SLC43A1: variants seen among roughly 807,000 people sequenced by gnomAD.
SLC43A1 encodes large neutral amino acids transporter small subunit 3.
In SLC43A1, 31 loss-of-function variants were observed where a neutral mutation model predicts 59.5. The ratio of observed to expected loss-of-function variants is 0.52; its 90% confidence interval spans 0.39 to 0.70. The LOEUF is 0.70. Among genes scored for constraint, SLC43A1 ranks in the 30% least tolerant of loss-of-function variants. The pLI is 0.00. For missense variants in SLC43A1, 598 were observed against 717.8 expected, an observed-to-expected ratio of 0.83 and a Z score of 1.91; for synonymous variants, 259 against 290.9, an observed-to-expected ratio of 0.89 and a Z score of 1.12.
chr11:57,501,412 T>G, intron 2 of SLC43A1, 83 bp from the exon 3 acceptor site: 2 of 1,450,330 alleles, frequency 1.4e-6, no homozygotes, highest in Non-Finnish European at 1.9e-6. Flanking sequence ...TCAGGCGGCC[T>G]GCTTTCAAAT....
intron 6 of SLC43A1, 30 bp from the exon 7 acceptor site, chr11:57,496,194 G>A: frequency 3.1e-6 from 5 of 1,612,002 alleles, no homozygotes; most frequent in South Asian, 2.2e-5. Context: ...GCCCGTGGGG[G>A]AGACTGCCTG....
At position 57,491,586 on chromosome 11, in the gene SLC43A1, C is replaced by G; in HGVS notation, c.1054+5G>C. The G allele has an allele frequency of 1.2e-6, 2 of 1,614,126 alleles. No homozygotes were observed. Among genetic ancestry groups the G allele is most frequent in the Non-Finnish European group, 1.7e-6 (2 of 1,180,014 alleles). On this transcript the variant is annotated splice_donor_5th_base_variant and intron_variant, in intron 10 of 14. Transcript: ENST00000278426. ...TGAGCCAGGGCCCTGCTTTCATAGC[C>G]CTACCTGTCTCTGCCACCTTTTGTT...
rs1943674090 is a variant in SLC43A1, at chr11:57,484,556, C to T, written c.*540G>A. On this transcript the variant is annotated 3_prime_UTR_variant, in exon 15 of 15. Transcript: ENST00000278426. Reference sequence around the variant, plus strand: ...CAGTCTCTCACTTCCCTTTTTATTTCCTCTAAGACTTGCAAGCAGCAGCAC... The same window carrying T: ...CAGTCTCTCACTTCCCTTTTTATTTTCTCTAAGACTTGCAAGCAGCAGCAC... 1.3e-5 allele frequency: 2 copies of T among 152,410 alleles called. No individual in the cohort carries two copies. Among genetic ancestry groups the T allele is most frequent in the South Asian group, 2.1e-4 (1 of 4,826 alleles). 9.4% of individuals were successfully genotyped at this position (152,410 alleles called of 1,614,324 possible). A position where few individuals can be genotyped will look rare whatever the true frequency, so the allele number is the denominator to read the frequency against.
At position 57,487,225 on chromosome 11, in the gene SLC43A1, A is replaced by C; in HGVS notation, c.1410-7T>G. 6.2e-7 allele frequency: 1 copy of C among 1,611,562 alleles called. No homozygotes were observed. Among genetic ancestry groups the C allele is most frequent in the South Asian group, 1.1e-5 (1 of 91,016 alleles). ...AAAGTGGTTGGATGGGAACCTGTCCACGAGACGGGGAGTATCAGGGGTGTG... is the reference window on the plus strand; with the variant it reads ...AAAGTGGTTGGATGGGAACCTGTCCCCGAGACGGGGAGTATCAGGGGTGTG... On this transcript the variant is annotated splice_polypyrimidine_tract_variant and splice_region_variant and intron_variant, in intron 13 of 14. Coordinates refer to ENST00000278426, the MANE Select transcript of SLC43A1 (RefSeq NM_003627.6).
intron 7 of SLC43A1, among the ~76,000 whole-genome samples, chr11:57,495,211 G>C (rs1401180780): frequency 6.6e-6 from 1 of 152,062 alleles, no homozygotes; most frequent in African/African-American, 2.4e-5. Flanking sequence ...ACCATGAGCT[G>C]AGCATGGTGG....
chr11:57,504,874 C>T (rs766194190), intron 2 of SLC43A1, among the ~76,000 whole-genome samples: 4 of 152,168 alleles, frequency 2.6e-5, no homozygotes, highest in Non-Finnish European at 5.9e-5. Flanking sequence ...GTTTGACCAA[C>T]GAGTTCATTC....
chr11:57,489,208 G>A, intron 12 of SLC43A1, 43 bp downstream of exon 12: 1 of 1,609,402 alleles, frequency 6.2e-7, no homozygotes. Flanking sequence ...CCCTTTGGAG[G>A]AGCCTCGGGA....
At position 57,506,701 on chromosome 11, in the gene SLC43A1, C is replaced by G. The variant is rs923373036; in HGVS notation, c.155-5372G>C. 1.3e-4 allele frequency among the ~76,000 whole-genome samples: 7 copies of G among 55,178 alleles called. 1 individual carries two copies. The highest frequency in any genetic ancestry group is 1.9e-3 in the East Asian group (2 of 1,034). The allele number at this position is 55,178 out of a possible 152,430, so 36.2% of individuals were successfully genotyped here. Reference sequence around the variant, plus strand: ...TCCAATGTGAAACTAAATCTTTACTCTGCCCTTTACTAGCTGTGTGACCTT... The same window carrying G: ...TCCAATGTGAAACTAAATCTTTACTGTGCCCTTTACTAGCTGTGTGACCTT... On this transcript the variant is annotated intron_variant, in intron 2 of 14. Transcript: ENST00000278426.
rs776139933 is a variant in SLC43A1, at chr11:57,494,047, C to T, written c.817G>A (p.Asp273Asn). The T allele has an allele frequency of 5.2e-5, 84 of 1,610,130 alleles. No individual in the cohort carries two copies. Among genetic ancestry groups the T allele is most frequent in the Admixed American group, 4.4e-4 (26 of 59,368 alleles). Residue 273 changes from aspartate (D) to asparagine (N), a missense_variant, in exon 8 of 15, where the codon GAT (aspartate) becomes AAT (asparagine). Transcript: ENST00000278426. ...ACATCCTGGGGTGACATGAAGGCAT[C>T]CGAACCGTCCTCCAGGCTGGGGGCC... The part of the protein sequence containing the change: ...QKAPSLEDGS[D>N]AFMSPQDVRG...
intron 2 of SLC43A1, among the ~76,000 whole-genome samples, chr11:57,503,745 C>A (rs965492698): frequency 8.5e-5 from 13 of 152,322 alleles, no homozygotes; most frequent in Middle Eastern, 6.8e-3. Flanking sequence ...TGATTTTAGA[C>A]CAGAGGCTGC....
chr11:57,498,540 A>G (rs919478392), intron 5 of SLC43A1, among the ~76,000 whole-genome samples: 36 of 152,338 alleles, frequency 2.4e-4, no homozygotes, highest in African/African-American at 7.7e-4. Context: ...AGTGTACTCA[A>G]GTTCACAGAG....
intron 8 of SLC43A1, 102 bp downstream of exon 8, chr11:57,493,891 A>T: frequency 8.7e-7 from 1 of 1,148,576 alleles, no homozygotes; most frequent in Non-Finnish European, 1.2e-6. Flanking sequence ...TGTTGTAAGG[A>T]CTGAAGAGGG....
In SLC43A1 at chr11:57,485,007, A is replaced by G. The variant is rs1943689566; in HGVS notation, c.*89T>C. 4 of 1,371,376 alleles carry G rather than the reference A, an allele frequency of 2.9e-6. No homozygotes were observed. Among genetic ancestry groups the G allele is most frequent in the East Asian group, 4.7e-5 (2 of 42,236 alleles). The allele number at this position is 1,371,376 out of a possible 1,614,324, so 85.0% of individuals were successfully genotyped here. On this transcript the variant is annotated 3_prime_UTR_variant, in exon 15 of 15. Transcript: ENST00000278426. The stretch of plus-strand genomic sequence containing the variant: ...AATCTACGGCCATGGCTCTATGTGC[A>G]TGTTACAGGTAGAAAAGCCATATGG...
rs558201182 is a variant in SLC43A1, at chr11:57,498,449, A to C, written c.466-604T>G. 1.7e-3 allele frequency among the ~76,000 whole-genome samples: 254 copies of C among 151,214 alleles called. 1 individual carries two copies. The highest frequency in any genetic ancestry group is 5.2e-3 in the African/African-American group (215 of 41,198). ...GAGCGAGACTATGTCCCCACCCCCC[A>C]AAAAAAAAGAAAAGAAAAGAAAGAA... On this transcript the variant is annotated intron_variant, in intron 5 of 14. Coordinates refer to ENST00000278426, the MANE Select transcript of SLC43A1 (RefSeq NM_003627.6).
At position 57,484,708 on chromosome 11, in the gene SLC43A1, T is replaced by C. The variant is rs1247891254; in HGVS notation, c.*388A>G. 2 of 164,196 alleles carry C rather than the reference T, an allele frequency of 1.2e-5. No individual in the cohort carries two copies. Among genetic ancestry groups the C allele is most frequent in the Non-Finnish European group, 2.7e-5 (2 of 74,762 alleles). The allele number at this position is 164,196 out of a possible 1,614,324, so 10.2% of individuals were successfully genotyped here. A position where few individuals can be genotyped will look rare whatever the true frequency, so the allele number is the denominator to read the frequency against. The stretch of plus-strand genomic sequence containing the variant: ...GCTGTGTCTCTCTCACATTCACACA[T>C]ACACAGACACATGCATGTGTGCACA... On this transcript the variant is annotated 3_prime_UTR_variant, in exon 15 of 15. Transcript: ENST00000278426.
Position 57,514,680 on chromosome 11 carries a change from G to T in SLC43A1, c.-13-556C>A, listed in dbSNP as rs1944637910. Reference sequence around the variant, plus strand: ...CCCCTTTCCGTATCAGGTGACCCACGACCCTACAGTCTCTCGGGCCAAGCC... The same window carrying T: ...CCCCTTTCCGTATCAGGTGACCCACTACCCTACAGTCTCTCGGGCCAAGCC... On this transcript the variant is annotated intron_variant, in intron 1 of 14. Transcript: ENST00000278426. This position sits in a 1 kb window ranked among gnomAD's most constrained non-coding sequence, Gnocchi z 5.5. 1 of 295,518 alleles carries T rather than the reference G, an allele frequency of 3.4e-6. No individual in the cohort carries two copies. The highest frequency in any genetic ancestry group is 5.0e-6 in the Non-Finnish European group (1 of 198,436). The allele number at this position is 295,518 out of a possible 1,614,324, so 18.3% of individuals were successfully genotyped here.
chr11:57,491,883 G>GCC (rs1565126864), intron 8 of SLC43A1, 21 bp from the exon 9 acceptor site: 1 of 1,611,252 alleles, frequency 6.2e-7, no homozygotes, highest in Non-Finnish European at 8.5e-7. Flanking sequence ...AGCAGGGGGC[G>GCC]CCCCTGAGCC....
chr11:57,492,529 ATTTTG>A (rs1943947072), intron 8 of SLC43A1, among the ~76,000 whole-genome samples: 2 of 116,042 alleles, frequency 1.7e-5, no homozygotes, highest in Non-Finnish European at 3.3e-5. Flanking sequence ...AATATATATA[ATTTTG>A]TGTATATATA....
In SLC43A1 at chr11:57,515,087, G is replaced by C. The variant is rs1944654839; in HGVS notation, c.-14+357C>G. On this transcript the variant is annotated intron_variant, in intron 1 of 14. Coordinates refer to ENST00000278426, the MANE Select transcript of SLC43A1 (RefSeq NM_003627.6). The surrounding 1 kb of genome is among the most constrained non-coding windows in gnomAD (Gnocchi z 5.3). Reference sequence around the variant, plus strand: ...GAAGGGCAAGAAAGACCCAGAGAGAGGGGAGGAAGTACCAGTCACTTCTTC... The same window carrying C: ...GAAGGGCAAGAAAGACCCAGAGAGACGGGAGGAAGTACCAGTCACTTCTTC... 1.0e-6 allele frequency: 1 copy of C among 985,252 alleles called. No individual in the cohort carries two copies. The highest frequency in any genetic ancestry group is 1.2e-6 in the Non-Finnish European group (1 of 829,780). 61.0% of individuals were successfully genotyped at this position (985,252 alleles called of 1,614,324 possible). A position where few individuals can be genotyped will look rare whatever the true frequency, so the allele number is the denominator to read the frequency against.
Sources: allele counts gnomAD v4.1 joint callset (sites outside exome capture counted in the v4.1 genomes callset), GRCh38; gene constraint gnomAD v4.1.1; non-coding constraint Gnocchi (gnomAD v3.1); transcripts MANE v1.5; gene names NCBI Gene and HGNC (gene_info 2026-07-23, HGNC 2026-07-21).